Variants in DISC1 observed in about 807,000 individuals in gnomAD.
The protein encoded by DISC1 is disrupted in schizophrenia 1 protein.
Under a neutral mutation model 84.5 loss-of-function variants are expected in DISC1, and 57 were observed. That is an observed-to-expected ratio of 0.67 (90% CI 0.55 to 0.84). DISC1 has a LOEUF of 0.84. DISC1 is among the 40% of genes least tolerant of loss of function. The probability of loss-of-function intolerance (pLI) is 0.00; values close to 1 mark genes in which losing one functional copy is unlikely to be tolerated. For synonymous variants in DISC1, 411 were observed against 415.2 expected, an observed-to-expected ratio of 0.99 and a Z score of 0.12; for missense variants, 1,000 against 1,057.8, an observed-to-expected ratio of 0.95 and a Z score of 0.76.
intron 9 of DISC1, among the ~76,000 whole-genome samples, chr1:231,867,756 C>T (rs1484768254): frequency 1.3e-5 from 2 of 152,184 alleles, no homozygotes; most frequent in Non-Finnish European, 2.9e-5. Context: ...GTTTTAAGTC[C>T]TTGCAAATGA....
At chr1:231,974,343 T>C (rs1662478894) in intron 10 of DISC1, among the ~76,000 whole-genome samples, 1 of 152,170 alleles carries the variant, frequency 6.6e-6, no homozygotes, top group Non-Finnish European at 1.5e-5. Flanking sequence ...CCAACAACCT[T>C]TAAAAATTAA....
At chr1:231,903,938 T>C (rs2126033759) in intron 9 of DISC1, among the ~76,000 whole-genome samples, 1 of 152,114 alleles carries the variant, frequency 6.6e-6, no homozygotes, top group South Asian at 2.1e-4. Flanking sequence ...CTATAGAGAG[T>C]CAGGCTGGGC....
intron 9 of DISC1, among the ~76,000 whole-genome samples, chr1:231,850,109 T>C (rs2125896561): frequency 6.6e-6 from 1 of 152,358 alleles, no homozygotes; most frequent in South Asian, 2.1e-4. Context: ...GTGGGAGGGC[T>C]GGGCCCCACC....
chr1:231,794,717 G>A (rs2078623577), intron 6 of DISC1, among the ~76,000 whole-genome samples: 1 of 151,710 alleles, frequency 6.6e-6, no homozygotes, highest in East Asian at 1.9e-4. Context: ...AAAGTGCTAT[G>A]GAGAAAAGAG....
chr1:231,762,926 G>A (rs1050793712), intron 4 of DISC1, among the ~76,000 whole-genome samples: 4 of 152,146 alleles, frequency 2.6e-5, no homozygotes, highest in African/African-American at 7.2e-5. Flanking sequence ...AAATGAAGAA[G>A]GTAAGGTTCA....
intron 4 of DISC1, among the ~76,000 whole-genome samples, chr1:231,756,104 A>AG (rs2075085764): frequency 6.6e-6 from 1 of 152,234 alleles, no homozygotes; most frequent in African/African-American, 2.4e-5. Context: ...TGCAATAGAC[A>AG]CTTACTGAAA....
chr1:231,691,726 G>A (rs995908393), intron 1 of DISC1, among the ~76,000 whole-genome samples: 2 of 152,096 alleles, frequency 1.3e-5, no homozygotes, highest in East Asian at 1.9e-4. Context: ...ACTTCTTTTC[G>A]GATTCTTTGC....
chr1:231,760,984 A>G (rs35079707), intron 4 of DISC1, among the ~76,000 whole-genome samples: 8 of 152,330 alleles, frequency 5.3e-5, no homozygotes, highest in East Asian at 3.9e-4. Flanking sequence ...AAACAGTCAC[A>G]TGGTAAAAAT....
At chr1:231,640,814 G>A (rs971915534) in intron 1 of DISC1, among the ~76,000 whole-genome samples, 1 of 152,162 alleles carries the variant, frequency 6.6e-6, no homozygotes, top group Non-Finnish European at 1.5e-5. Flanking sequence ...GGGATTATAG[G>A]CATGAGCCAC....
chr1:232,025,964 C>G (rs75978425), intron 11 of DISC1, among the ~76,000 whole-genome samples: 5,425 of 152,186 alleles, frequency 0.036, 90 homozygotes, highest in East Asian at 0.06. Flanking sequence ...TTCTAGCATT[C>G]AGGGACTGTG....
At chr1:231,845,717 C>T (rs1427899810) in intron 9 of DISC1, among the ~76,000 whole-genome samples, 1 of 151,916 alleles carries the variant, frequency 6.6e-6, no homozygotes, top group Non-Finnish European at 1.5e-5. Context: ...GCTATGTCTA[C>T]ACTGGAGGCT....
In DISC1 at chr1:231,873,472, G is replaced by A. The variant is rs547000716; in HGVS notation, c.1981+54955G>A. Among the ~76,000 whole-genome samples, 11 of 152,274 alleles carry A rather than the reference G, an allele frequency of 7.2e-5. No individual in the cohort carries two copies. The South Asian group carries it at 8.3e-4, about 11-fold the overall frequency. On this transcript the variant is annotated intron_variant, in intron 9 of 12. Coordinates refer to ENST00000439617, the MANE Select transcript of DISC1 (RefSeq NM_018662.3). ...CCTCCCCTGCATTCCATAGCATTGG[G>A]TCTTCTACAAGGGACCAATTAGTGA...
chr1:231,628,191 A>G (rs2058422300), intron 1 of DISC1, among the ~76,000 whole-genome samples: 1 of 152,232 alleles, frequency 6.6e-6, no homozygotes. Flanking sequence ...ATGGTACATG[A>G]AGTCCTCTGA....
chr1:231,855,411 GAA>G (rs2084199910), intron 9 of DISC1: 2 of 985,172 alleles, frequency 2.0e-6, no homozygotes, highest in Middle Eastern at 5.2e-4. Flanking sequence ...CACAGTGATA[GAA>G]TGTTCCCCAT....
chr1:231,806,175 A>G (rs757045125), intron 8 of DISC1, among the ~76,000 whole-genome samples: 1 of 152,230 alleles, frequency 6.6e-6, no homozygotes, highest in Non-Finnish European at 1.5e-5. Flanking sequence ...CCACAGAGTG[A>G]ATACATGCTT....
Position 231,694,369 on chromosome 1 carries a change from G to A in DISC1, c.611G>A (p.Ser204Asn). The A allele has an allele frequency of 1.2e-6, 2 of 1,614,244 alleles. No individual in the cohort carries two copies. Among genetic ancestry groups the A allele is most frequent in the Non-Finnish European group, 1.7e-6 (2 of 1,180,040 alleles). ...CCCCCAACCCCTCCTGGCTCTCACAGTGCCTTTACCTCAAGCTTTAGCTTT... is the reference window on the plus strand; with the variant it reads ...CCCCCAACCCCTCCTGGCTCTCACAATGCCTTTACCTCAAGCTTTAGCTTT... ...EVPPTPPGSH[S>N]AFTSSFSFIR... The change falls in exon 2 of 13, where the codon AGT (serine) becomes AAT (asparagine). Residue 204 changes from serine (S) to asparagine (N), a missense_variant. Coordinates refer to ENST00000439617, the MANE Select transcript of DISC1 (RefSeq NM_018662.3).
At chr1:231,668,337 T>G (rs2125432855) in intron 1 of DISC1, among the ~76,000 whole-genome samples, 1 of 152,318 alleles carries the variant, frequency 6.6e-6, no homozygotes, top group African/African-American at 2.4e-5. Context: ...ACTTACTAGC[T>G]TAAGCTTTAG....
intron 11 of DISC1, among the ~76,000 whole-genome samples, chr1:232,025,453 T>G (rs185115909): frequency 1.7e-3 from 253 of 152,114 alleles, no homozygotes; most frequent in African/African-American, 6.0e-3. Context: ...AGAAATAAGT[T>G]TGAAGGGAAA....
At chr1:231,754,826 T>C (rs1437972174) in intron 4 of DISC1, among the ~76,000 whole-genome samples, 1 of 152,194 alleles carries the variant, frequency 6.6e-6, no homozygotes, top group Non-Finnish European at 1.5e-5. Flanking sequence ...GTATAGGCCT[T>C]TATTAAACAT....
Sources: allele counts gnomAD v4.1 joint callset (sites outside exome capture counted in the v4.1 genomes callset), GRCh38; gene constraint gnomAD v4.1.1; transcripts MANE v1.5; gene names NCBI Gene and HGNC (gene_info 2026-07-23, HGNC 2026-07-21).